Variants in RGS22 observed in about 807,000 individuals in gnomAD.
RGS22 encodes regulator of G protein signaling 22.
In RGS22, 148 loss-of-function variants were observed where a neutral mutation model predicts 172.9. The ratio of observed to expected loss-of-function variants is 0.86; its 90% CI spans 0.75 to 0.98. The LOEUF is 0.98. Ranked by LOEUF, RGS22 falls within the 50% of genes least tolerant of loss-of-function variation. The pLI is 0.00. For missense variants in RGS22, 1,347 were observed against 1,440.8 expected (o/e 0.93, Z 1.05); for synonymous variants, 458 against 480.2 (o/e 0.95, Z 0.60).
intron 23 of RGS22, among the ~76,000 whole-genome samples, chr8:99,970,915 G>A (rs984363159): frequency 2.0e-5 from 3 of 152,082 alleles, no homozygotes; most frequent in African/African-American, 7.2e-5. Context: ...AACTGGCAGA[G>A]ACACAACAAA....
chr8:100,060,206 T>C (rs1450186088), intron 9 of RGS22, among the ~76,000 whole-genome samples: 6 of 151,924 alleles, frequency 3.9e-5, no homozygotes, highest in African/African-American at 1.2e-4. Flanking sequence ...AGGTAAAATA[T>C]TACCTCCTCT....
At chr8:99,981,327 A>T (rs1812526241) in intron 22 of RGS22, among the ~76,000 whole-genome samples, 1 of 152,146 alleles carries the variant, frequency 6.6e-6, no homozygotes, top group Admixed American at 6.6e-5. Context: ...ATCTCTTCTC[A>T]CTTATTTTAT....
chr8:99,989,960 G>A (rs1813534149), intron 20 of RGS22, among the ~76,000 whole-genome samples: 1 of 152,104 alleles, frequency 6.6e-6, no homozygotes, highest in Non-Finnish European at 1.5e-5. Flanking sequence ...CATAATGTAA[G>A]ACGATTTAAC....
At chr8:100,000,685 T>C (rs7825692) in intron 18 of RGS22, among the ~76,000 whole-genome samples, 4,630 of 152,276 alleles carry the variant, frequency 0.03, 214 homozygotes, top group African/African-American at 0.097. Flanking sequence ...TCACGCAATG[T>C]AGCACAAGCC....
intron 10 of RGS22, among the ~76,000 whole-genome samples, chr8:100,049,386 C>T (rs576329245): frequency 6.6e-6 from 1 of 152,194 alleles, no homozygotes; most frequent in East Asian, 1.9e-4. Context: ...GAGAGTGAGA[C>T]CAGAATGAGC....
Position 100,098,848 on chromosome 8 carries a change from TATTTTATTATTTTA to T in RGS22, c.55-5353_55-5340del, listed in dbSNP as rs1563732532. Among the ~76,000 whole-genome samples, 207 of 23,938 alleles carry T rather than the reference TATTTTATTATTTTA, an allele frequency of 8.6e-3. 3 individuals carry two copies. The highest frequency in any genetic ancestry group is 0.015 in the African/African-American group (50 of 3,402). 15.7% of individuals were successfully genotyped at this position (23,938 alleles called of 152,430 possible). A position where few individuals can be genotyped will look rare whatever the true frequency, so the allele number is the denominator to read the frequency against. On this transcript the variant is annotated intron_variant, in intron 2 of 27. Transcript: ENST00000360863. The stretch of plus-strand genomic sequence containing the variant: ...CCTGACCCCCTTTTATTTTTTTATT[TATTTTATTATTTTA>T]TTTATTTTATTTTATTTTATTTTAT...
At chr8:99,981,750 C>T (rs1348179984) in intron 22 of RGS22, among the ~76,000 whole-genome samples, 187 bp downstream of exon 22, 1 of 131,280 alleles carries the variant, frequency 7.6e-6, no homozygotes, top group East Asian at 2.2e-4. Flanking sequence ...TTTTAAGAGA[C>T]GGGGTTTCAC....
chr8:100,025,138 G>A (rs1589002501), intron 14 of RGS22, among the ~76,000 whole-genome samples: 1 of 152,158 alleles, frequency 6.6e-6, no homozygotes, highest in South Asian at 2.1e-4. Context: ...GTGGGGAAAT[G>A]AGTGGGTAGC....
chr8:99,985,574 C>A (rs1205887429), intron 21 of RGS22, among the ~76,000 whole-genome samples: 1 of 152,140 alleles, frequency 6.6e-6, no homozygotes, highest in Admixed American at 6.6e-5. Flanking sequence ...TGAAAGAGGG[C>A]AGTGTGTTGT....
In RGS22 at chr8:100,080,146, G is replaced by A; in HGVS notation, c.327C>T (p.Asn109=). The A allele has an allele frequency of 6.3e-7, 1 of 1,597,190 alleles. No individual in the cohort carries two copies. The highest frequency in any genetic ancestry group is 1.1e-5 in the South Asian group (1 of 90,250). The change falls in exon 4 of 28, where the codon AAC becomes AAT. Residue 109 remains asparagine, a synonymous_variant. Coordinates refer to ENST00000360863, the MANE Select transcript of RGS22 (RefSeq NM_015668.5). ...TATACTTTCTTACCATAATATTGTAGTTGACATTAATGGTCTCATCTTCAT... is the reference window on the plus strand; with the variant it reads ...TATACTTTCTTACCATAATATTGTAATTGACATTAATGGTCTCATCTTCAT... ...APDEDETINV[N]YNIMCLSREE...
At chr8:99,978,730 C>T (rs1473403535) in intron 22 of RGS22, among the ~76,000 whole-genome samples, 4 of 152,296 alleles carry the variant, frequency 2.6e-5, no homozygotes, top group East Asian at 3.9e-4. Flanking sequence ...TGCTCTAATT[C>T]TCATGCCAAG....
In RGS22 at chr8:100,106,005, G is replaced by T; in HGVS notation, c.-84C>A. The T allele has an allele frequency of 2.5e-6, 3 of 1,206,988 alleles. No individual in the cohort carries two copies. Among genetic ancestry groups the T allele is most frequent in the South Asian group, 4.0e-5 (1 of 24,890 alleles). 74.8% of individuals were successfully genotyped at this position (1,206,988 alleles called of 1,614,324 possible). On this transcript the variant is annotated 5_prime_UTR_variant, in exon 1 of 28. Transcript: ENST00000360863. Reference sequence around the variant, plus strand: ...GTCCAGCGCGGGTCAGGGCCTGAGCGACGCGGCGACGGCGCGCGGGCTCCG... The same window carrying T: ...GTCCAGCGCGGGTCAGGGCCTGAGCTACGCGGCGACGGCGCGCGGGCTCCG...
intron 10 of RGS22, among the ~76,000 whole-genome samples, chr8:100,052,341 C>G (rs184982034): frequency 0.039 from 5,789 of 146,754 alleles, 406 homozygotes; most frequent in African/African-American, 0.14. Context: ...TCGCTCTGTC[C>G]CCCAGGCTGG....
At position 99,977,972 on chromosome 8, in the gene RGS22, T is replaced by G; in HGVS notation, c.3464A>C (p.Glu1155Ala). ...CAATTTTTTTTTCTGCTTATTATAT[T>G]CTTGTCTTCTCTCTAAAACACTCAT... is the stretch of plus-strand genomic sequence containing the variant. ...NIMSVLERRQ[E>A]YNKQKKKLAV... is the part of the protein sequence containing the mutation. The change falls in exon 23 of 28, where the codon GAA becomes GCA. Residue 1155 changes from glutamate to alanine, a missense_variant. Coordinates refer to ENST00000360863, the MANE Select transcript of RGS22 (RefSeq NM_015668.5). 1 of 1,562,604 alleles carries G rather than the reference T, an allele frequency of 6.4e-7. No individual in the cohort carries two copies. Among genetic ancestry groups the G allele is most frequent in the Non-Finnish European group, 8.6e-7 (1 of 1,162,614 alleles).
rs182718050 is a variant in RGS22 at position 100,003,814 on chromosome 8, T to C, written c.2627+112A>G. 6.1e-4 allele frequency: 530 copies of C among 866,370 alleles called. 3 individuals carry two copies. In the East Asian group the frequency reaches 0.01, roughly 17 times the overall value. The allele number at this position is 866,370 out of a possible 1,614,324, so 53.7% of individuals were successfully genotyped here. A position where few individuals can be genotyped will look rare whatever the true frequency, so the allele number is the denominator to read the frequency against. The stretch of plus-strand genomic sequence containing the variant: ...AGATAATCATGTTTGTCAGTTTTTA[T>C]TGACATGAGTAAAATCTGTTATAGC... On this transcript the variant is annotated intron_variant, in intron 17 of 27. Transcript: ENST00000360863.
At chr8:100,078,243 TATC>T (rs1034656555) in intron 4 of RGS22, among the ~76,000 whole-genome samples, 2 of 151,856 alleles carry the variant, frequency 1.3e-5, no homozygotes, top group African/African-American at 4.8e-5. Context: ...ATATTATTAT[TATC>T]ATTATTTTTA....
intron 14 of RGS22, 63 bp downstream of exon 14, chr8:100,038,868 C>A (rs751572695): frequency 1.9e-6 from 2 of 1,036,018 alleles, no homozygotes; most frequent in Non-Finnish European, 2.8e-6. Flanking sequence ...TGGGACTGGA[C>A]ACAATTTTCA....
intron 19 of RGS22, among the ~76,000 whole-genome samples, chr8:99,997,442 A>G (rs1814515313): frequency 6.6e-6 from 1 of 152,256 alleles, no homozygotes; most frequent in East Asian, 1.9e-4. Flanking sequence ...AGTTTTCCCA[A>G]AGCTTATTTC....
At chr8:100,080,525 G>A in intron 3 of RGS22, 170 bp from the exon 4 acceptor site, 2 of 596,096 alleles carry the variant, frequency 3.4e-6, no homozygotes, top group Non-Finnish European at 5.9e-6. Flanking sequence ...AGAGGTCAGG[G>A]AACCCACTAA....
Sources: gnomAD v4.1 joint callset for allele counts (sites outside exome capture counted in the v4.1 genomes callset) on GRCh38, gnomAD v4.1.1 for gene constraint, MANE v1.5 for transcripts, NCBI Gene and HGNC (gene_info 2026-07-23, HGNC 2026-07-21) for gene names.